B3GLCT: variants seen among roughly 807,000 people sequenced by gnomAD.
B3GLCT encodes beta-1,3-glucosyltransferase.
Under a neutral mutation model 63.4 loss-of-function variants are expected in B3GLCT, and 65 were observed. The ratio of observed to expected loss-of-function variants is 1.03; its 90% CI spans 0.84 to 1.26. The LOEUF is 1.26. B3GLCT is among the 50% of genes most tolerant of loss of function. The pLI is 0.00. For synonymous variants in B3GLCT, 233 were observed against 219.2 expected (o/e 1.06, Z -0.55); for missense variants, 577 against 604.8 (o/e 0.95, Z 0.48).
At chr13:31,316,191 G>A (rs1875000217) in intron 12 of B3GLCT, among the ~76,000 whole-genome samples, 1 of 151,564 alleles carries the variant, frequency 6.6e-6, no homozygotes, top group Non-Finnish European at 1.5e-5. Context: ...CTCAGAAGAG[G>A]GCCACCATCT....
chr13:31,218,512 AT>A (rs1294497814), intron 2 of B3GLCT, among the ~76,000 whole-genome samples: 1 of 151,988 alleles, frequency 6.6e-6, no homozygotes, highest in African/African-American at 2.4e-5. Flanking sequence ...TGCTTTCTTA[AT>A]TTGCTGTCAG....
intron 1 of B3GLCT, among the ~76,000 whole-genome samples, chr13:31,205,414 C>T (rs1298149439): frequency 6.6e-6 from 1 of 151,758 alleles, no homozygotes; most frequent in Admixed American, 6.6e-5. Context: ...AAAAAATTAC[C>T]CGCGCATGGT....
intron 12 of B3GLCT, among the ~76,000 whole-genome samples, chr13:31,296,495 G>T (rs1873950143): frequency 6.6e-6 from 1 of 152,114 alleles, no homozygotes; most frequent in Admixed American, 6.5e-5. Flanking sequence ...CCACCCTCGT[G>T]ATCTCTTCAC....
intron 11 of B3GLCT, 46 bp downstream of exon 11, chr13:31,284,807 T>A: frequency 9.6e-7 from 1 of 1,045,670 alleles, no homozygotes; most frequent in African/African-American, 1.6e-5. Flanking sequence ...ATTGCCATTC[T>A]GTAAATACAG....
chr13:31,230,316 A>G (rs1870313521), intron 4 of B3GLCT, among the ~76,000 whole-genome samples: 1 of 152,176 alleles, frequency 6.6e-6, no homozygotes, highest in Non-Finnish European at 1.5e-5. Flanking sequence ...CCTCTGCACC[A>G]TGTTGTGATG....
At chr13:31,314,840 T>G (rs1874911684) in intron 12 of B3GLCT, among the ~76,000 whole-genome samples, 1 of 152,200 alleles carries the variant, frequency 6.6e-6, no homozygotes, top group Non-Finnish European at 1.5e-5. Context: ...TCTGCCAGAA[T>G]TCCCACATAT....
chr13:31,275,153 C>T (rs943935202), intron 9 of B3GLCT, among the ~76,000 whole-genome samples: 3 of 152,222 alleles, frequency 2.0e-5, no homozygotes, highest in African/African-American at 7.2e-5. Context: ...AATAGTGCTG[C>T]ACTAGCACTT....
chr13:31,237,834 C>T (rs1217253310), intron 4 of B3GLCT, among the ~76,000 whole-genome samples: 1 of 152,088 alleles, frequency 6.6e-6, no homozygotes, highest in Admixed American at 6.5e-5. Flanking sequence ...AGGTATGCAC[C>T]GTGCCTGTAA....
At chr13:31,258,592 C>T (rs1871860868) in intron 6 of B3GLCT, among the ~76,000 whole-genome samples, 1 of 152,114 alleles carries the variant, frequency 6.6e-6, no homozygotes, top group Non-Finnish European at 1.5e-5. Flanking sequence ...AAATGCTCCA[C>T]CATTGTCTTT....
chr13:31,220,177 C>A (rs1869748569), intron 2 of B3GLCT, among the ~76,000 whole-genome samples: 1 of 152,222 alleles, frequency 6.6e-6, no homozygotes, highest in Non-Finnish European at 1.5e-5. Context: ...TTCCATTTTA[C>A]TTCTCTTCCC....
chr13:31,276,801 C>A (rs372388899), intron 10 of B3GLCT, 30 bp downstream of exon 10: 1 of 1,494,000 alleles, frequency 6.7e-7, no homozygotes. Flanking sequence ...TTTTATTGAA[C>A]GCTAAAATCC....
intron 6 of B3GLCT, chr13:31,260,382 A>G (rs1219524860): frequency 1.3e-5 from 2 of 152,514 alleles, no homozygotes; most frequent in African/African-American, 4.8e-5. Flanking sequence ...TTTTCAGGGC[A>G]GCTCCTAGTC....
At chr13:31,208,740 C>CT (rs1453699076) in intron 1 of B3GLCT, among the ~76,000 whole-genome samples, 1 of 151,924 alleles carries the variant, frequency 6.6e-6, no homozygotes, top group Non-Finnish European at 1.5e-5. Context: ...GTCCCACACA[C>CT]TGCCTCCAGA....
chr13:31,213,861 A>G (rs1186133974), intron 1 of B3GLCT, among the ~76,000 whole-genome samples: 3 of 152,092 alleles, frequency 2.0e-5, no homozygotes, highest in Admixed American at 6.5e-5. Context: ...AATTGTTCAC[A>G]TAGAGGTTCA....
chr13:31,299,450 A>G (rs925121285), intron 12 of B3GLCT, among the ~76,000 whole-genome samples: 1 of 152,150 alleles, frequency 6.6e-6, no homozygotes, highest in Admixed American at 6.5e-5. Context: ...AAGCCATGCC[A>G]GAGTCATTGT....
At chr13:31,215,199 T>C in intron 2 of B3GLCT, 99 bp downstream of exon 2, 1 of 1,223,170 alleles carries the variant, frequency 8.2e-7, no homozygotes, top group Non-Finnish European at 1.2e-6. Context: ...ATTGTTATTT[T>C]TATTGTTACA....
chr13:31,314,455 G>C (rs1377760922), intron 12 of B3GLCT, among the ~76,000 whole-genome samples: 2 of 152,188 alleles, frequency 1.3e-5, no homozygotes, highest in Non-Finnish European at 2.9e-5. Flanking sequence ...AGTCAAAGGA[G>C]ATCCTTTTGG....
chr13:31,253,033 AAATTAG>A (rs1337884112), intron 6 of B3GLCT, among the ~76,000 whole-genome samples: 2 of 152,236 alleles, frequency 1.3e-5, no homozygotes, highest in Non-Finnish European at 2.9e-5. Flanking sequence ...CAGTGCAATC[AAATTAG>A]AACTCAGGAC....
chr13:31,200,019 C>G lies in B3GLCT; in HGVS notation c.-66C>G. The G allele has an allele frequency of 9.5e-7, 1 of 1,055,340 alleles. No individual in the cohort carries two copies. 65.4% of individuals were successfully genotyped at this position (1,055,340 alleles called of 1,614,324 possible). ...CGGCAGGGCGGCGGCGGCAGCGGCG[C>G]AGCTCCGCTCCCCGCGCGTCTCCCT... On this transcript the variant is annotated 5_prime_UTR_variant, in exon 1 of 15. Coordinates refer to ENST00000343307, the MANE Select transcript of B3GLCT (RefSeq NM_194318.4).
Sources: allele counts gnomAD v4.1 joint callset (sites outside exome capture counted in the v4.1 genomes callset), GRCh38; gene constraint gnomAD v4.1.1; transcripts MANE v1.5; gene names NCBI Gene and HGNC (gene_info 2026-07-23, HGNC 2026-07-21).